Variants in DOCK1 observed in about 807,000 individuals in gnomAD.
DOCK1 encodes the protein dedicator of cytokinesis protein 1.
In DOCK1, 138 loss-of-function variants were observed where a neutral mutation model predicts 262.7. That is an observed-to-expected ratio of 0.53 (90% CI 0.46 to 0.61). The LOEUF is 0.61. Among genes scored for constraint, DOCK1 ranks in the 20% least tolerant of loss-of-function variants. The pLI, the probability that DOCK1 is intolerant of heterozygous loss-of-function variation, is 0.00. For synonymous variants in DOCK1, 866 were observed against 867.4 expected, an observed-to-expected ratio of 1.00 and a Z score of 0.03; for missense variants, 1,908 against 2,370.7, an observed-to-expected ratio of 0.80 and a Z score of 4.05.
At chr10:127,343,804 A>G in intron 31 of DOCK1, 58 bp downstream of exon 31, 1 of 1,343,848 alleles carries the variant, frequency 7.4e-7, no homozygotes, top group African/African-American at 1.5e-5. Flanking sequence ...TAATCGCATA[A>G]TTTTCATGTC....
chr10:126,976,721 G>C (rs1190175905), intron 2 of DOCK1, among the ~76,000 whole-genome samples: 1 of 151,662 alleles, frequency 6.6e-6, no homozygotes, highest in Non-Finnish European at 1.5e-5. Context: ...ATGGGGCAGA[G>C]TTGGGATTTG....
At chr10:127,129,588 GGCGTTGACCCCTGATGTCCA>G (rs1263707578) in intron 27 of DOCK1, among the ~76,000 whole-genome samples, 7 of 152,172 alleles carry the variant, frequency 4.6e-5, no homozygotes, top group African/African-American at 1.7e-4. Context: ...CCTGAGGTCT[GGCGTTGACCCCTGATGTCCA>G]GCGTTGACCC....
chr10:127,183,889 A>G (rs2055970943), intron 27 of DOCK1, among the ~76,000 whole-genome samples: 1 of 152,212 alleles, frequency 6.6e-6, no homozygotes, highest in East Asian at 1.9e-4. Flanking sequence ...TCCCTTGACC[A>G]GCAGCTGTTG....
At chr10:126,906,717 GCT>G (rs1256417839) in intron 1 of DOCK1, among the ~76,000 whole-genome samples, 1 of 152,180 alleles carries the variant, frequency 6.6e-6, no homozygotes, top group Non-Finnish European at 1.5e-5. Flanking sequence ...TCGAATCCTG[GCT>G]CTCTGACTTT....
At chr10:127,201,140 C>G (rs1224017348) in intron 27 of DOCK1, among the ~76,000 whole-genome samples, 1 of 152,242 alleles carries the variant, frequency 6.6e-6, no homozygotes, top group Non-Finnish European at 1.5e-5. Flanking sequence ...ACAAGACAGA[C>G]ACAATCCTCA....
intron 32 of DOCK1, among the ~76,000 whole-genome samples, chr10:127,357,179 G>T (rs560678347): frequency 3.3e-5 from 5 of 152,170 alleles, no homozygotes; most frequent in Non-Finnish European, 4.4e-5. Flanking sequence ...AACTCAGCTC[G>T]AGCCACAGCT....
chr10:127,176,300 C>T lies in DOCK1; in HGVS notation c.2847+48536C>T, dbSNP rs141706041. ...GTTTTTTAATCTGCCGGTTGGGGTC[C>T]AGGGCGTATTTCATCTCCAGGGCCA... is the stretch of plus-strand genomic sequence containing the variant. On this transcript the variant is annotated intron_variant, in intron 27 of 51. Coordinates refer to ENST00000623213, the MANE Select transcript of DOCK1 (RefSeq NM_001290223.2). This position sits in a 1 kb window ranked among gnomAD's most constrained non-coding sequence, Gnocchi z 4.4. The T allele has an allele frequency of 3.1e-6, 5 of 1,614,104 alleles. No individual in the cohort carries two copies. Among genetic ancestry groups the T allele is most frequent in the African/African-American group, 1.3e-5 (1 of 75,034 alleles).
At chr10:127,249,574 C>T (rs1201275629) in intron 28 of DOCK1, among the ~76,000 whole-genome samples, 1 of 152,176 alleles carries the variant, frequency 6.6e-6, no homozygotes, top group Non-Finnish European at 1.5e-5. Context: ...GAGCCTGCTA[C>T]ACACCTAGGC....
chr10:126,934,747 GTTTTT>G lies in DOCK1; in HGVS notation c.46+29204_46+29208del, dbSNP rs1166445414. ...GTCACAGCCTATTTGGAATTTACGA[GTTTTT>G]TTTTTTTTTTTTTTTTTTTGTCTTC... is the stretch of plus-strand genomic sequence containing the variant. On this transcript the variant is annotated intron_variant, in intron 1 of 51. Transcript: ENST00000623213. Among the ~76,000 whole-genome samples the G allele has an allele frequency of 5.6e-5, 6 of 107,464 alleles. No homozygotes were observed. The East Asian group carries it at 9.2e-4, about 17-fold the overall frequency. 70.5% of individuals were successfully genotyped at this position (107,464 alleles called of 152,430 possible).
chr10:127,020,901 C>T (rs1013528357), intron 13 of DOCK1, among the ~76,000 whole-genome samples: 2 of 152,170 alleles, frequency 1.3e-5, no homozygotes, highest in African/African-American at 4.8e-5. Context: ...GTCCCATCAC[C>T]CAGCGGCCTG....
At chr10:127,091,050 C>T (rs897150224) in intron 23 of DOCK1, among the ~76,000 whole-genome samples, 4 of 146,894 alleles carry the variant, frequency 2.7e-5, no homozygotes, top group African/African-American at 7.6e-5. Context: ...AGTGTGATCT[C>T]GGCTCACTGC....
At chr10:127,384,653 G>T in intron 37 of DOCK1, 137 bp from the exon 38 acceptor site, 7 of 1,105,562 alleles carry the variant, frequency 6.3e-6, no homozygotes, top group South Asian at 2.8e-5. Context: ...TGCCCTGGCA[G>T]TCCCCAGCCT....
At chr10:127,091,267 G>A (rs1431913671) in intron 23 of DOCK1, among the ~76,000 whole-genome samples, 1 of 152,196 alleles carries the variant, frequency 6.6e-6, no homozygotes, top group African/African-American at 2.4e-5. Flanking sequence ...ACAGGCGTGA[G>A]CCACTGCGCC....
intron 27 of DOCK1, among the ~76,000 whole-genome samples, chr10:127,198,042 T>G (rs1315436196): frequency 2.0e-5 from 3 of 152,120 alleles, no homozygotes; most frequent in Non-Finnish European, 4.4e-5. Flanking sequence ...TCACTCTTCT[T>G]GTTGTTCTTC....
At chr10:127,208,218 T>C (rs1374738495) in intron 27 of DOCK1, among the ~76,000 whole-genome samples, 1 of 152,208 alleles carries the variant, frequency 6.6e-6, no homozygotes, top group Non-Finnish European at 1.5e-5. Flanking sequence ...GCTCCAGTTA[T>C]GGGAACTAAA....
intron 38 of DOCK1, among the ~76,000 whole-genome samples, chr10:127,400,627 T>A (rs554061160): frequency 1.3e-5 from 2 of 152,366 alleles, no homozygotes; most frequent in Non-Finnish European, 2.9e-5. Context: ...ATAATGCAGA[T>A]GCCCACCTGA....
At chr10:127,177,557 C>T (rs752097352) in intron 27 of DOCK1, among the ~76,000 whole-genome samples, 28 of 152,314 alleles carry the variant, frequency 1.8e-4, no homozygotes, top group Admixed American at 3.9e-4. Flanking sequence ...GTACGGGGCC[C>T]GAGTGGCTGG....
chr10:127,402,100 T>G (rs912886620), intron 38 of DOCK1, among the ~76,000 whole-genome samples: 2 of 152,212 alleles, frequency 1.3e-5, no homozygotes, highest in Non-Finnish European at 2.9e-5. Context: ...TAAACCTTGT[T>G]AAGCAGGCCC....
chr10:127,210,783 A>G (rs1002901871), intron 27 of DOCK1, among the ~76,000 whole-genome samples: 4 of 152,068 alleles, frequency 2.6e-5, no homozygotes, highest in African/African-American at 9.7e-5. Context: ...TTTAAAGCCT[A>G]ATGCAGATCC....
Sources: allele counts gnomAD v4.1 joint callset (sites outside exome capture counted in the v4.1 genomes callset), GRCh38; gene constraint gnomAD v4.1.1; non-coding constraint Gnocchi (gnomAD v3.1); transcripts MANE v1.5; gene names NCBI Gene and HGNC (gene_info 2026-07-23, HGNC 2026-07-21).